The following CSAG1 variants were observed in gnomAD, a reference collection of about 807,000 sequenced individuals.
The protein encoded by CSAG1 is chondrosarcoma associated gene 1.
Under a neutral mutation model 4.8 loss-of-function variants are expected in CSAG1, and 4 were observed. The observed-to-expected ratio is 0.83, with a 90% CI of 0.41 to 1.90. The LOEUF is 1.90. Among genes scored for constraint, CSAG1 ranks in the 40% most tolerant of loss-of-function variants. CSAG1 has a pLI of 0.03. For missense variants in CSAG1, 69 were observed against 59.5 expected, an observed-to-expected ratio of 1.16 and a Z score of -0.53; for synonymous variants, 21 against 23.1, an observed-to-expected ratio of 0.91 and a Z score of 0.26.
At chrX:152,731,313 G>C (rs1225024501) in intron 2 of CSAG1, among the ~76,000 whole-genome samples, 1 of 112,040 alleles carries the variant, frequency 8.9e-6, no homozygotes, top group Non-Finnish European at 1.9e-5. Flanking sequence ...AAATGAAACT[G>C]ACCACTTCAT....
chrX:152,731,322 A>G (rs1283788833), intron 2 of CSAG1, among the ~76,000 whole-genome samples: 1 of 112,506 alleles, frequency 8.9e-6, no homozygotes, highest in Non-Finnish European at 1.9e-5. Flanking sequence ...TGACCACTTC[A>G]TAGAAATAAA....
chrX:152,732,314 C>T, intron 2 of CSAG1, 131 bp downstream of exon 2: 3 of 842,487 alleles, frequency 3.6e-6, no homozygotes, highest in Non-Finnish European at 4.7e-6. Context: ...AGGCAACTAT[C>T]GAAGTATACT....
intron 2 of CSAG1, among the ~76,000 whole-genome samples, chrX:152,730,005 T>C (rs1556228739): frequency 1.3e-5 from 1 of 78,658 alleles, no homozygotes; most frequent in Non-Finnish European, 2.7e-5. Context: ...TATATATATA[T>C]ATATACACAC....
rs1431054226 is a variant in CSAG1 at position 152,727,584 on chromosome X, A to G, written c.*210T>C. 1 of 481,941 alleles carries G rather than the reference A, an allele frequency of 2.1e-6. No individual in the cohort carries two copies. Among genetic ancestry groups the G allele is most frequent in the Admixed American group, 3.7e-5 (1 of 27,373 alleles). 39.7% of individuals were successfully genotyped at this position (481,941 alleles called of 1,213,427 possible). ...CTGTTGGCTATTTATCTGGGGTTAG[A>G]CTTCTGGAGACTTTTCAGATAGACT... On this transcript the variant is annotated 3_prime_UTR_variant, in exon 4 of 4. Transcript: ENST00000452779.
intron 2 of CSAG1, among the ~76,000 whole-genome samples, chrX:152,730,089 C>A (rs1556228692): frequency 9.5e-6 from 1 of 105,367 alleles, no homozygotes; most frequent in African/African-American, 3.5e-5. Flanking sequence ...GAATAAGTTA[C>A]AAGCTGCACA....
chrX:152,728,479 C>T (rs1932073354), intron 2 of CSAG1, among the ~76,000 whole-genome samples: 1 of 112,124 alleles, frequency 8.9e-6, no homozygotes, highest in Non-Finnish European at 1.9e-5. Context: ...ATACTAGCCA[C>T]TGCAAATATC....
chrX:152,727,785 G>A lies in CSAG1; in HGVS notation c.*9C>T, dbSNP rs1556830555. 3.8e-5 allele frequency: 46 copies of A among 1,207,727 alleles called. No individual in the cohort carries two copies. Among genetic ancestry groups the A allele is most frequent in the Non-Finnish European group, 4.6e-5 (41 of 893,327 alleles). ...TCCATTCCTCAGGTTTTTTTGAAGC[G>A]GTGGTCTTTTAGGGAGAGCCTTTTG... On this transcript the variant is annotated 3_prime_UTR_variant, in exon 4 of 4. Transcript: ENST00000452779.
Position 152,728,216 on chromosome X carries a change from G to A in CSAG1, c.25C>T (p.Pro9Ser), listed in dbSNP as rs113546558. ...GCTTCCCCCAGGACAGTGAAGGCAG[G>A]CCAGCAGGCTAGAAACTCACACGAC... is the stretch of plus-strand genomic sequence containing the variant. MSATTACW[P>S]AFTVLGEARG... Residue 9 changes from proline (P) to serine (S), a missense_variant, in exon 3 of 4, where the codon CCT becomes TCT. Physicochemically the swap from Pro to Ser is moderately conservative, Grantham distance 74 (BLOSUM62 -1). Coordinates refer to ENST00000452779, the MANE Select transcript of CSAG1 (RefSeq NM_001102576.3). 5 of 1,209,088 alleles carry A rather than the reference G, an allele frequency of 4.1e-6. No individual in the cohort carries two copies. In the African/African-American group the frequency reaches 8.7e-5, roughly 21 times the overall value.
At chrX:152,733,646 C>G (rs1164157027) in intron 1 of CSAG1, 22 bp downstream of exon 1, 3 of 106,435 alleles carry the variant, frequency 2.8e-5, no homozygotes, top group South Asian at 4.4e-4. Context: ...ACCCCTACCC[C>G]CAACACCATC....
chrX:152,727,517 C>T lies in CSAG1; in HGVS notation c.*277G>A, dbSNP rs1377501875. 2.5e-6 allele frequency: 1 copy of T among 408,015 alleles called. No individual in the cohort carries two copies. Among genetic ancestry groups the T allele is most frequent in the African/African-American group, 2.5e-5 (1 of 39,557 alleles). The allele number at this position is 408,015 out of a possible 1,213,427, so 33.6% of individuals were successfully genotyped here. ...CAACATGTTCATTTTATTTCCATCACCATGGGGCATACCCTTTGGGGTGTA... is the reference window on the plus strand; with the variant it reads ...CAACATGTTCATTTTATTTCCATCATCATGGGGCATACCCTTTGGGGTGTA... On this transcript the variant is annotated 3_prime_UTR_variant, in exon 4 of 4. Transcript: ENST00000452779.
intron 2 of CSAG1, among the ~76,000 whole-genome samples, chrX:152,729,500 G>A (rs1371408695): frequency 1.8e-5 from 2 of 112,202 alleles, no homozygotes; most frequent in Admixed American, 1.9e-4. Context: ...TACAATATAT[G>A]CGAATTCTTA....
At chrX:152,729,992 T>TTATATATATATATATATATA (rs61137896) in intron 2 of CSAG1, among the ~76,000 whole-genome samples, 4,052 of 63,689 alleles carry the variant, frequency 0.064, 277 homozygotes, top group Non-Finnish European at 0.078. Context: ...GGTGAATGGA[T>TTATATATATATATATATATA]TATATATATA....
chrX:152,728,295 T>G (rs1932068248), intron 2 of CSAG1, 71 bp from the exon 3 acceptor site: 71 of 1,039,904 alleles, frequency 6.8e-5, no homozygotes, highest in Non-Finnish European at 1.3e-5. Context: ...CTTGGTCTTT[T>G]AACACCTTCA....
chrX:152,729,091 G>A (rs1187889563), intron 2 of CSAG1, among the ~76,000 whole-genome samples: 4 of 110,394 alleles, frequency 3.6e-5, no homozygotes, highest in Non-Finnish European at 7.6e-5. Context: ...CATATAGTCA[G>A]GTGATTCACA....
intron 1 of CSAG1, 67 bp from the exon 2 acceptor site, chrX:152,732,571 A>C: frequency 8.8e-7 from 1 of 1,136,350 alleles, no homozygotes; most frequent in Non-Finnish European, 1.2e-6. Flanking sequence ...TACACAACAA[A>C]ACAGGGCCAG....
intron 2 of CSAG1, among the ~76,000 whole-genome samples, chrX:152,728,796 C>T (rs2471769): frequency 9.0e-6 from 1 of 110,729 alleles, no homozygotes; most frequent in Non-Finnish European, 1.9e-5. Flanking sequence ...TTCCTCTGTG[C>T]ATGTGCAGAG....
intron 1 of CSAG1, 31 bp from the exon 2 acceptor site, chrX:152,732,535 A>G (rs374410652): frequency 8.3e-7 from 1 of 1,203,546 alleles, no homozygotes; most frequent in Non-Finnish European, 1.1e-6. Context: ...AACAGAAAGT[A>G]AAAAACCAGT....
rs782017899 is a variant in CSAG1 at position 152,727,829 on chromosome X, C to T, written c.202G>A (p.Val68Ile). The change falls in exon 4 of 4, where the codon GTC (valine) becomes ATC (isoleucine). Residue 68 changes from valine (V) to isoleucine (I), a missense_variant. Coordinates refer to ENST00000452779, the MANE Select transcript of CSAG1 (RefSeq NM_001102576.3). ...PRQPRREKGPVKEVPGTKGSP is the reference protein window; with the variant it reads ...PRQPRREKGPIKEVPGTKGSP Reference sequence around the variant, plus strand: ...CCTTTTGTTCCTGGAACTTCCTTGACGGGTCCCTTTTCCCTTCTGGGTTGT... The same window carrying T: ...CCTTTTGTTCCTGGAACTTCCTTGATGGGTCCCTTTTCCCTTCTGGGTTGT... 372 of 1,209,008 alleles carry T rather than the reference C, an allele frequency of 3.1e-4. No homozygotes were observed. The highest frequency in any genetic ancestry group is 4.6e-4 in the Middle Eastern group (2 of 4,366).
intron 1 of CSAG1, chrX:152,733,098 C>G (rs1460427005): frequency 1.8e-5 from 2 of 112,079 alleles, no homozygotes; most frequent in African/African-American, 6.5e-5. Flanking sequence ...AAAGGTTTGC[C>G]AAGTGTAGCT....
Sources: allele counts gnomAD v4.1 joint callset (sites outside exome capture counted in the v4.1 genomes callset), GRCh38; gene constraint gnomAD v4.1.1; transcripts MANE v1.5; gene names NCBI Gene and HGNC (gene_info 2026-07-23, HGNC 2026-07-21).